TENM4: variants seen among roughly 807,000 people sequenced by gnomAD.
The protein encoded by TENM4 is teneurin transmembrane protein 4.
A neutral mutation model predicts 243.3 loss-of-function variants in TENM4; 82 were observed. The ratio of observed to expected loss-of-function variants is 0.34; its 90% CI spans 0.28 to 0.40. The LOEUF is 0.40. TENM4 is among the 10% of genes least tolerant of loss of function. TENM4 has a pLI of 1.00. For synonymous variants in TENM4, 1,412 were observed against 1,456.3 expected, an observed-to-expected ratio of 0.97 and a Z score of 0.69; for missense variants, 3,138 against 3,673.3, an observed-to-expected ratio of 0.85 and a Z score of 3.77.
At chr11:78,785,055 GT>G (rs113286775) in intron 16 of TENM4, among the ~76,000 whole-genome samples, 40,140 of 80,196 alleles carry the variant, frequency 0.5, 7,781 homozygotes, top group African/African-American at 0.62. Context: ...TTCTGTTTTT[GT>G]TTTTTTTTTT....
chr11:79,071,318 C>A (rs1025035270), intron 4 of TENM4, among the ~76,000 whole-genome samples: 15 of 152,108 alleles, frequency 9.9e-5, no homozygotes, highest in Non-Finnish European at 2.9e-5. Context: ...CAAGACATTC[C>A]CCTGCTTCAC....
At position 79,341,076 on chromosome 11, in the gene TENM4, C is replaced by T. The variant is rs180679699; in HGVS notation, c.-320-43533G>A. On this transcript the variant is annotated intron_variant, in intron 1 of 33. Coordinates refer to ENST00000278550, the MANE Select transcript of TENM4 (RefSeq NM_001098816.3). Reference sequence around the variant, plus strand: ...TGGGGAGAGACCACACACCACAGAACGCAGGCACCTCTAGAAGTTGACAGA... The same window carrying T: ...TGGGGAGAGACCACACACCACAGAATGCAGGCACCTCTAGAAGTTGACAGA... 1.7e-3 allele frequency among the ~76,000 whole-genome samples: 262 copies of T among 152,212 alleles called. 2 individuals are homozygous for T. The highest frequency in any genetic ancestry group is 5.7e-3 in the African/African-American group (237 of 41,508).
chr11:79,146,791 C>T (rs1191572842), intron 4 of TENM4, among the ~76,000 whole-genome samples: 7 of 152,122 alleles, frequency 4.6e-5, no homozygotes, highest in South Asian at 4.1e-4. Context: ...TCCAGGAAGG[C>T]GAAAACTGTA....
At chr11:78,924,174 T>G (rs997352728) in intron 6 of TENM4, among the ~76,000 whole-genome samples, 4 of 152,234 alleles carry the variant, frequency 2.6e-5, no homozygotes, top group Non-Finnish European at 5.9e-5. Flanking sequence ...TTTTTAATAC[T>G]GAGCAATGGA....
chr11:79,286,760 C>G (rs756608314), intron 2 of TENM4, among the ~76,000 whole-genome samples: 6 of 152,150 alleles, frequency 3.9e-5, no homozygotes, highest in Non-Finnish European at 4.4e-5. Flanking sequence ...GAAGCAGGTA[C>G]TCATCATTCT....
At chr11:79,028,274 C>T (rs911793902) in intron 6 of TENM4, among the ~76,000 whole-genome samples, 6 of 152,180 alleles carry the variant, frequency 3.9e-5, no homozygotes, top group East Asian at 1.9e-4. Context: ...TATGTATTTT[C>T]CACTGTTTAA....
At position 79,161,702 on chromosome 11, in the gene TENM4, G is replaced by A. The variant is rs536806616; in HGVS notation, c.-162-12896C>T. Among the ~76,000 whole-genome samples the A allele has an allele frequency of 1.3e-4, 20 of 152,316 alleles. No homozygotes were observed. The East Asian group carries it at 3.7e-3, about 28-fold the overall frequency. On this transcript the variant is annotated intron_variant, in intron 3 of 33. Transcript: ENST00000278550. The stretch of plus-strand genomic sequence containing the variant: ...ACTTTTAGCCTGTCCAACTGTGATA[G>A]CATATGTTTCTGTTGTTTTAAGTCA...
At chr11:78,844,847 A>T (rs1431603840) in intron 12 of TENM4, among the ~76,000 whole-genome samples, 1 of 151,994 alleles carries the variant, frequency 6.6e-6, no homozygotes, top group Admixed American at 6.6e-5. Flanking sequence ...ATTTTAAACC[A>T]CTCAGTTTGT....
At chr11:78,975,097 G>A (rs144453948) in intron 6 of TENM4, among the ~76,000 whole-genome samples, 1 of 148,036 alleles carries the variant, frequency 6.8e-6, no homozygotes, top group East Asian at 2.0e-4. Context: ...CCCTGGAGAG[G>A]CATGCAGCCT....
chr11:79,236,603 C>CT (rs1257503003), intron 2 of TENM4, among the ~76,000 whole-genome samples: 1 of 152,166 alleles, frequency 6.6e-6, no homozygotes, highest in Non-Finnish European at 1.5e-5. Context: ...CACAACTGTA[C>CT]AGCAGGACTT....
At position 78,812,313 on chromosome 11, in the gene TENM4, G is replaced by A; in HGVS notation, c.1787C>T (p.Ser596Phe). 2 of 1,550,586 alleles carry A rather than the reference G, an allele frequency of 1.3e-6. No homozygotes were observed. The highest frequency in any genetic ancestry group is 4.9e-5 in the East Asian group (2 of 40,838). The change falls in exon 14 of 34, where the codon TCC becomes TTC. Residue 596 changes from serine to phenylalanine, a missense_variant. By Grantham distance (155) the Ser-to-Phe change is radical (BLOSUM62 -2). Coordinates refer to ENST00000278550, the MANE Select transcript of TENM4 (RefSeq NM_001098816.3). ...GFLGPDCGRA[S>F]CPVLCSGNGQ... ...ATTTCCGCTACAGAGCACGGGGCAGGAGGCTGGGGAGACAGCACCGGAGTC... is the reference window on the plus strand; with the variant it reads ...ATTTCCGCTACAGAGCACGGGGCAGAAGGCTGGGGAGACAGCACCGGAGTC...
chr11:79,257,293 TA>T lies in TENM4; in HGVS notation c.-265+40194del, dbSNP rs879355074. 7.3e-4 allele frequency among the ~76,000 whole-genome samples: 111 copies of T among 151,858 alleles called. 1 individual carries two copies. The highest frequency in any genetic ancestry group is 1.1e-3 in the Non-Finnish European group (76 of 67,910). On this transcript the variant is annotated intron_variant, in intron 2 of 33. Transcript: ENST00000278550. ...GTTGTTATGCCACTTCTTAAAGAAT[TA>T]AAAAAAAATTTCCCAAACCTATTTA... is the stretch of plus-strand genomic sequence containing the variant.
Position 79,085,145 on chromosome 11 carries a change from G to C in TENM4, c.-65-15136C>G, listed in dbSNP as rs570847409. On this transcript the variant is annotated intron_variant, in intron 4 of 33. Coordinates refer to ENST00000278550, the MANE Select transcript of TENM4 (RefSeq NM_001098816.3). Reference sequence around the variant, plus strand: ...CCCAGCACTTTGGGAGGCCAAGGCGGGTGGATCACGAGGTCAGGAGATCGA... The same window carrying C: ...CCCAGCACTTTGGGAGGCCAAGGCGCGTGGATCACGAGGTCAGGAGATCGA... 3.4e-3 allele frequency among the ~76,000 whole-genome samples: 524 copies of C among 152,114 alleles called. 2 individuals are homozygous for C. Among genetic ancestry groups the C allele is most frequent in the Non-Finnish European group, 5.9e-3 (402 of 67,998 alleles).
intron 6 of TENM4, among the ~76,000 whole-genome samples, chr11:78,969,777 A>G (rs1226388036): frequency 6.6e-6 from 1 of 152,204 alleles, no homozygotes; most frequent in Non-Finnish European, 1.5e-5. Context: ...GGATTATCGG[A>G]AGAGCTTCCT....
intron 6 of TENM4, among the ~76,000 whole-genome samples, chr11:78,913,580 G>GGTGTGTGTGTGT (rs1403545697): frequency 1.6e-5 from 2 of 126,350 alleles, no homozygotes; most frequent in African/African-American, 5.9e-5. Flanking sequence ...ATGGGTAAGA[G>GGTGTGTGTGTGT]GTATGTGTGT....
chr11:78,956,131 A>G (rs760312997), intron 6 of TENM4, among the ~76,000 whole-genome samples: 1 of 152,134 alleles, frequency 6.6e-6, no homozygotes, highest in Non-Finnish European at 1.5e-5. Flanking sequence ...GAAGGAAGAA[A>G]GGAAATCAGC....
At chr11:79,385,608 T>C (rs1858095263) in intron 1 of TENM4, among the ~76,000 whole-genome samples, 1 of 152,240 alleles carries the variant, frequency 6.6e-6, no homozygotes, top group Non-Finnish European at 1.5e-5. Context: ...ATCTAACTGT[T>C]ACAAATTCTT....
In TENM4 at chr11:79,430,189, A is replaced by G. The variant is rs373481463; in HGVS notation, c.-321+10320T>C. On this transcript the variant is annotated intron_variant, in intron 1 of 33. Transcript: ENST00000278550. ...GTTTGTTTCAATCATTCAACCTGCG[A>G]AAAAAAAAAAAAGAAAAAAGAAAAA... Among the ~76,000 whole-genome samples the G allele has an allele frequency of 6.5e-4, 85 of 130,594 alleles. 1 individual carries two copies. Among genetic ancestry groups the G allele is most frequent in the Non-Finnish European group, 7.5e-4 (47 of 62,268 alleles). The allele number at this position is 130,594 out of a possible 152,430, so 85.7% of individuals were successfully genotyped here.
intron 1 of TENM4, among the ~76,000 whole-genome samples, chr11:79,437,088 C>T (rs887997070): frequency 1.3e-5 from 2 of 152,240 alleles, no homozygotes; most frequent in African/African-American, 2.4e-5. Flanking sequence ...GCAATCAGCT[C>T]CAACAGGTCC....
Sources: gnomAD v4.1 joint callset for allele counts (sites outside exome capture counted in the v4.1 genomes callset) on GRCh38, gnomAD v4.1.1 for gene constraint, MANE v1.5 for transcripts, NCBI Gene and HGNC (gene_info 2026-07-23, HGNC 2026-07-21) for gene names.